IL1RAPL1: variants seen among roughly 807,000 people sequenced by gnomAD.
IL1RAPL1 encodes the protein interleukin-1 receptor accessory protein-like 1.
In IL1RAPL1, 3 loss-of-function variants were observed where a neutral mutation model predicts 48.4. The observed-to-expected ratio is 0.06, with a 90% CI of 0.03 to 0.16. The LOEUF (loss-of-function observed/expected upper bound fraction) is 0.16, where lower values mean the gene tolerates loss of function less well. Ranked by LOEUF, IL1RAPL1 falls within the 10% of genes least tolerant of loss-of-function variation. The pLI is 1.00. For missense variants in IL1RAPL1, 349 were observed against 530.6 expected, an observed-to-expected ratio of 0.66 and a Z score of 3.36; for synonymous variants, 185 against 187.7, an observed-to-expected ratio of 0.99 and a Z score of 0.12.
intron 3 of IL1RAPL1, among the ~76,000 whole-genome samples, chrX:29,363,821 C>A (rs1309627902): frequency 9.4e-6 from 1 of 106,851 alleles, no homozygotes; most frequent in Non-Finnish European, 1.9e-5. Context: ...ATGGTGCTAA[C>A]CATTCATGAT....
chrX:29,183,496 C>T (rs141374819), intron 2 of IL1RAPL1, among the ~76,000 whole-genome samples: 2 of 111,414 alleles, frequency 1.8e-5, no homozygotes, highest in East Asian at 2.8e-4. Context: ...GACTGACAAA[C>T]CCCTCCATGA....
rs752007307 is a variant in IL1RAPL1 at position 28,927,020 on chromosome X, A to C, written c.82+137595A>C. On this transcript the variant is annotated intron_variant, in intron 2 of 10. Coordinates refer to ENST00000378993, the MANE Select transcript of IL1RAPL1 (RefSeq NM_014271.4). ...ATAAATCCTCCCACCTCAGCTTCCT[A>C]AGTATCTAGGACTACAAGTGCATGC... Among the ~76,000 whole-genome samples, 4 of 110,718 alleles carry C rather than the reference A, an allele frequency of 3.6e-5. No homozygotes were observed. In the East Asian group the frequency reaches 1.1e-3, roughly 32 times the overall value.
At chrX:29,396,792 T>A (rs182763406) in intron 4 of IL1RAPL1, among the ~76,000 whole-genome samples, 24 of 111,696 alleles carry the variant, frequency 2.1e-4, no homozygotes, top group Admixed American at 1.7e-3. Context: ...TTTCAAAGTG[T>A]CCCCAAACAA....
chrX:29,341,812 T>C (rs1417462266), intron 3 of IL1RAPL1, among the ~76,000 whole-genome samples: 1 of 110,990 alleles, frequency 9.0e-6, no homozygotes, highest in Non-Finnish European at 1.9e-5. Flanking sequence ...CTTTGATTCT[T>C]TTTTTAATTT....
intron 6 of IL1RAPL1, among the ~76,000 whole-genome samples, chrX:29,830,598 C>T (rs938628706): frequency 3.6e-5 from 4 of 109,753 alleles, no homozygotes; most frequent in Admixed American, 1.9e-4. Flanking sequence ...TACAGGCACC[C>T]GCCACCACGC....
At chrX:28,622,441 G>A (rs1457628950) in intron 1 of IL1RAPL1, among the ~76,000 whole-genome samples, 1 of 111,192 alleles carries the variant, frequency 9.0e-6, no homozygotes, top group Non-Finnish European at 1.9e-5. Flanking sequence ...TTAGTGAATT[G>A]TTTTTTTAAA....
chrX:29,431,404 A>G (rs1934421377), intron 5 of IL1RAPL1, among the ~76,000 whole-genome samples: 1 of 112,109 alleles, frequency 8.9e-6, no homozygotes, highest in African/African-American at 3.2e-5. Flanking sequence ...AGGTATGCTA[A>G]TGACTTTTTG....
At chrX:28,641,876 G>A (rs901490286) in intron 1 of IL1RAPL1, among the ~76,000 whole-genome samples, 3 of 110,349 alleles carry the variant, frequency 2.7e-5, no homozygotes, top group African/African-American at 9.9e-5. Context: ...CTTCTTTTGC[G>A]AAGTGTCTGT....
rs781563043 is a variant in IL1RAPL1 at position 29,679,897 on chromosome X, C to G, written c.778+11393C>G. On this transcript the variant is annotated intron_variant, in intron 6 of 10. Coordinates refer to ENST00000378993, the MANE Select transcript of IL1RAPL1 (RefSeq NM_014271.4). ...AGGGAATCGTACTGTTGACTATCAACAGGGCAGAAAGTACTGGATTGTATT... is the reference window on the plus strand; with the variant it reads ...AGGGAATCGTACTGTTGACTATCAAGAGGGCAGAAAGTACTGGATTGTATT... Among the ~76,000 whole-genome samples the G allele has an allele frequency of 8.9e-5, 10 of 112,077 alleles. No homozygotes were observed. The South Asian group carries it at 3.8e-3, about 42-fold the overall frequency.
chrX:28,855,750 A>G (rs1023678220), intron 2 of IL1RAPL1, among the ~76,000 whole-genome samples: 1 of 111,506 alleles, frequency 9.0e-6, no homozygotes, highest in Non-Finnish European at 1.9e-5. Flanking sequence ...TAACGCCTAC[A>G]AAGTTGCCAA....
At chrX:28,990,300 T>C (rs1925571978) in intron 2 of IL1RAPL1, among the ~76,000 whole-genome samples, 1 of 111,889 alleles carries the variant, frequency 8.9e-6, no homozygotes, top group Non-Finnish European at 1.9e-5. Flanking sequence ...AGCCTTCCTT[T>C]GAGAACATAT....
At chrX:29,414,864 A>G (rs1602224096) in intron 5 of IL1RAPL1, among the ~76,000 whole-genome samples, 1 of 111,589 alleles carries the variant, frequency 9.0e-6, no homozygotes, top group South Asian at 3.7e-4. Context: ...TGAAAACTCA[A>G]TATTGCACCT....
chrX:28,976,267 A>T (rs983566119), intron 2 of IL1RAPL1, among the ~76,000 whole-genome samples: 1 of 112,054 alleles, frequency 8.9e-6, no homozygotes, highest in Non-Finnish European at 1.9e-5. Flanking sequence ...GAGACCAGTT[A>T]TGAATCCATT....
At position 29,319,153 on chromosome X, in the gene IL1RAPL1, T is replaced by TCTATCTATCTGTCTGTCTGC. The variant is rs756619998; in HGVS notation, c.362+35938_362+35939insATCTATCTGTCTGTCTGCCT. On this transcript the variant is annotated intron_variant, in intron 3 of 10. Transcript: ENST00000378993. ...CACACATACGTATGATATCTGTCTA[T>TCTATCTATCTGTCTGTCTGC]CTGTCTGTCTATCTATCTATCTATC... Among the ~76,000 whole-genome samples the TCTATCTATCTGTCTGTCTGC allele has an allele frequency of 2.0e-3, 155 of 79,434 alleles. 6 individuals carry two copies. Among genetic ancestry groups the TCTATCTATCTGTCTGTCTGC allele is most frequent in the East Asian group, 5.6e-3 (14 of 2,488 alleles). 69.0% of individuals were successfully genotyped at this position (79,434 alleles called of 115,157 possible).
chrX:29,718,489 G>C (rs1197235521), intron 6 of IL1RAPL1, among the ~76,000 whole-genome samples: 1 of 107,479 alleles, frequency 9.3e-6, no homozygotes, highest in Admixed American at 1.0e-4. Flanking sequence ...ATAACATTAG[G>C]AGAAATACCT....
chrX:29,885,535 G>C (rs1171984203), intron 6 of IL1RAPL1, among the ~76,000 whole-genome samples: 2 of 111,645 alleles, frequency 1.8e-5, no homozygotes, highest in Non-Finnish European at 3.8e-5. Flanking sequence ...AATCAGACGG[G>C]CATGGTGGCT....
intron 2 of IL1RAPL1, among the ~76,000 whole-genome samples, chrX:29,090,096 TG>T (rs757416691): frequency 2.9e-4 from 32 of 108,790 alleles, no homozygotes; most frequent in Admixed American, 7.0e-4. Context: ...TATAATGTTC[TG>T]GGGTGCATAT....
intron 2 of IL1RAPL1, among the ~76,000 whole-genome samples, chrX:28,868,108 T>G (rs1922121345): frequency 9.0e-6 from 1 of 111,700 alleles, no homozygotes; most frequent in African/African-American, 3.3e-5. Context: ...CAAAAAAAAG[T>G]ATAGTCACCA....
intron 2 of IL1RAPL1, among the ~76,000 whole-genome samples, chrX:28,961,655 C>T (rs1427317408): frequency 9.0e-6 from 1 of 111,251 alleles, no homozygotes; most frequent in Non-Finnish European, 1.9e-5. Flanking sequence ...CAGCTTCATC[C>T]ATGTCCCTGC....
Sources: gnomAD v4.1 joint callset for allele counts (sites outside exome capture counted in the v4.1 genomes callset) on GRCh38, gnomAD v4.1.1 for gene constraint, MANE v1.5 for transcripts, NCBI Gene and HGNC (gene_info 2026-07-23, HGNC 2026-07-21) for gene names.